The following TMPRSS4 variants were observed in gnomAD, a reference collection of about 807,000 sequenced individuals.
TMPRSS4 encodes the protein transmembrane protease serine 4.
TMPRSS4 carries 45 observed loss-of-function variants against 56.4 expected under a neutral mutation model. The observed-to-expected ratio is 0.80, with a 90% CI of 0.63 to 1.02. The LOEUF is 1.02. Among genes scored for constraint, TMPRSS4 ranks in the 50% least tolerant of loss-of-function variants. TMPRSS4 has a pLI of 0.00. For synonymous variants in TMPRSS4, 205 were observed against 211.0 expected (o/e 0.97, Z 0.25); for missense variants, 546 against 556.7 (o/e 0.98, Z 0.19).
intron 4 of TMPRSS4, among the ~76,000 whole-genome samples, chr11:118,103,870 G>T (rs996158466): frequency 2.0e-5 from 3 of 152,158 alleles, no homozygotes; most frequent in African/African-American, 7.2e-5. Context: ...TGACCTTGGG[G>T]CATTCCTCCT....
Position 118,118,413 on chromosome 11 carries a change from C to A in TMPRSS4, c.*500C>A. 31 of 991,290 alleles carry A rather than the reference C, an allele frequency of 3.1e-5. No individual in the cohort carries two copies. Among genetic ancestry groups the A allele is most frequent in the Non-Finnish European group, 3.7e-5 (31 of 834,100 alleles). 61.4% of individuals were successfully genotyped at this position (991,290 alleles called of 1,614,324 possible). A position where few individuals can be genotyped will look rare whatever the true frequency, so the allele number is the denominator to read the frequency against. ...TTACCTACTGTTGTCATTGTTATTA[C>A]AGCTATGGCCACTATTATTAAAGAG... On this transcript the variant is annotated 3_prime_UTR_variant, in exon 13 of 13. Transcript: ENST00000437212.
chr11:118,118,729 G>C lies in TMPRSS4; in HGVS notation c.*816G>C. 1.0e-6 allele frequency: 1 copy of C among 985,636 alleles called. No individual in the cohort carries two copies. The highest frequency in any genetic ancestry group is 1.2e-6 in the Non-Finnish European group (1 of 830,090). 61.1% of individuals were successfully genotyped at this position (985,636 alleles called of 1,614,324 possible). A position where few individuals can be genotyped will look rare whatever the true frequency, so the allele number is the denominator to read the frequency against. ...CTGTGATAATCAGCCAGGAGCCAGGGATAACCTATGACTTGGGAAAGAGAT... is the reference window on the plus strand; with the variant it reads ...CTGTGATAATCAGCCAGGAGCCAGGCATAACCTATGACTTGGGAAAGAGAT... On this transcript the variant is annotated 3_prime_UTR_variant, in exon 13 of 13. Transcript: ENST00000437212.
At chr11:118,084,096 A>C (rs1005657935) in intron 1 of TMPRSS4, among the ~76,000 whole-genome samples, 2 of 152,184 alleles carry the variant, frequency 1.3e-5, no homozygotes, top group Non-Finnish European at 2.9e-5. Context: ...AATGTACTAT[A>C]TGCTATGCAT....
At chr11:118,100,448 G>A (rs1303050028) in intron 3 of TMPRSS4, among the ~76,000 whole-genome samples, 2 of 152,214 alleles carry the variant, frequency 1.3e-5, no homozygotes, top group Non-Finnish European at 2.9e-5. Context: ...TTCTACATGA[G>A]CACTGAGGCT....
intron 1 of TMPRSS4, among the ~76,000 whole-genome samples, chr11:118,092,924 C>T (rs763394970): frequency 2.0e-5 from 3 of 152,206 alleles, no homozygotes; most frequent in Non-Finnish European, 4.4e-5. Flanking sequence ...ATGTAAACCT[C>T]ACAGTAGTCT....
intron 1 of TMPRSS4, among the ~76,000 whole-genome samples, chr11:118,084,597 C>T (rs1945399044): frequency 6.6e-6 from 1 of 152,228 alleles, no homozygotes; most frequent in African/African-American, 2.4e-5. Flanking sequence ...CTCAACCCTG[C>T]CCCTGTACAG....
intron 1 of TMPRSS4, among the ~76,000 whole-genome samples, chr11:118,081,328 G>A (rs934544399): frequency 6.6e-6 from 1 of 152,334 alleles, no homozygotes; most frequent in African/African-American, 2.4e-5. Context: ...TGGTGATAGG[G>A]AAGGGGAAGA....
chr11:118,077,559 C>T (rs888460416), intron 1 of TMPRSS4, among the ~76,000 whole-genome samples: 1 of 152,222 alleles, frequency 6.6e-6, no homozygotes, highest in Admixed American at 6.5e-5. Context: ...CAGGGCTGTC[C>T]TTCCCGACTA....
At position 118,103,172 on chromosome 11, in the gene TMPRSS4, T is replaced by G. The variant is rs1365274086; in HGVS notation, c.229T>G (p.Cys77Gly). The G allele has an allele frequency of 6.2e-7, 1 of 1,614,236 alleles. No homozygotes were observed. The highest frequency in any genetic ancestry group is 1.1e-5 in the South Asian group (1 of 91,076). ...CCACTTCATCCCGAGGAAGCAGCTG[T>G]GTGACGGAGAGCTGGACTGTCCCTT... Reference protein sequence around the residue: ...PLHFIPRKQLCDGELDCPLGE... With the variant: ...PLHFIPRKQLGDGELDCPLGE... Residue 77 changes from cysteine (C) to glycine (G), a missense_variant, in exon 4 of 13, where the codon TGT (cysteine) becomes GGT (glycine). Cys to Gly is a radical substitution (Grantham distance 159, BLOSUM62 -3). Coordinates refer to ENST00000437212, the MANE Select transcript of TMPRSS4 (RefSeq NM_019894.4).
intron 4 of TMPRSS4, among the ~76,000 whole-genome samples, chr11:118,103,646 T>G (rs919687837): frequency 6.6e-6 from 1 of 152,230 alleles, no homozygotes; most frequent in Non-Finnish European, 1.5e-5. Flanking sequence ...CCTCCCAAAG[T>G]GCTGGGATTA....
chr11:118,112,479 G>A (rs148788621), intron 8 of TMPRSS4, among the ~76,000 whole-genome samples: 2,845 of 129,376 alleles, frequency 0.022, 50 homozygotes, highest in Non-Finnish European at 0.03. Context: ...TGCAACCTCC[G>A]CCTCCTGAGT....
chr11:118,117,970 G>T lies in TMPRSS4; in HGVS notation c.*57G>T. ...CTTCCTTCCTGCCCTGCCCACCTGG[G>T]GATCCCCCAAAGTCAGACACAGAGC... On this transcript the variant is annotated 3_prime_UTR_variant, in exon 13 of 13. Transcript: ENST00000437212. The T allele has an allele frequency of 6.2e-7, 1 of 1,611,726 alleles. No homozygotes were observed. The highest frequency in any genetic ancestry group is 1.7e-5 in the Admixed American group (1 of 60,012).
At chr11:118,081,367 CT>C (rs1435509856) in intron 1 of TMPRSS4, among the ~76,000 whole-genome samples, 2 of 152,164 alleles carry the variant, frequency 1.3e-5, no homozygotes, top group South Asian at 4.1e-4. Context: ...GGCAATCCCC[CT>C]GTGACACGTC....
chr11:118,097,024 GAAA>G (rs1177823275), intron 2 of TMPRSS4, among the ~76,000 whole-genome samples: 20 of 14,050 alleles, frequency 1.4e-3, no homozygotes, highest in African/African-American at 9.0e-3. Context: ...AAGAAAGAAA[GAAA>G]GAAAGAAAAG....
rs1946570125 is a variant in TMPRSS4, at chr11:118,098,995, C to T, written c.54C>T (p.Pro18=). ...DQPLNSLDVK[P]LRKPRIPMET... ...CCCATTTTCTTGCAGATGTCAAACC[C>T]CTGCGCAAACCCCGTATCCCCATGG... Residue 18 remains proline, a synonymous_variant, in exon 3 of 13, where the codon CCC becomes CCT. Coordinates refer to ENST00000437212, the MANE Select transcript of TMPRSS4 (RefSeq NM_019894.4). 1 of 1,613,166 alleles carries T rather than the reference C, an allele frequency of 6.2e-7. No homozygotes were observed. The highest frequency in any genetic ancestry group is 1.3e-5 in the African/African-American group (1 of 74,850).
At chr11:118,107,289 G>C (rs920363601) in intron 5 of TMPRSS4, 4 of 152,820 alleles carry the variant, frequency 2.6e-5, no homozygotes, top group African/African-American at 9.7e-5. Flanking sequence ...CTCTAAGGGG[G>C]CCAAAAACAT....
rs145576293 is a variant in TMPRSS4 at position 118,113,358 on chromosome 11, T to A, written c.833T>A (p.Ile278Asn). The change falls in exon 9 of 13, where the codon ATC becomes AAC. Residue 278 changes from isoleucine (I) to asparagine (N), a missense_variant. Transcript: ENST00000437212. ...TCCCTGGCTGTGGCCAAGATCATCATCATTGAATTCAACCCCATGTACCCC... is the reference window on the plus strand; with the variant it reads ...TCCCTGGCTGTGGCCAAGATCATCAACATTGAATTCAACCCCATGTACCCC... ...FPSLAVAKII[I>N]IEFNPMYPKD... The A allele has an allele frequency of 6.2e-7, 1 of 1,614,142 alleles. No individual in the cohort carries two copies. The highest frequency in any genetic ancestry group is 8.5e-7 in the Non-Finnish European group (1 of 1,180,036).
At position 118,098,886 on chromosome 11, in the gene TMPRSS4, C is replaced by T. The variant is rs1946561814; in HGVS notation, c.44-99C>T. The stretch of plus-strand genomic sequence containing the variant: ...TAACCAAAACTGTGCTCAAGGCATA[C>T]CTGTCACCGGCCAGAAGGCAGGAGG... On this transcript the variant is annotated intron_variant, in intron 2 of 12. Coordinates refer to ENST00000437212, the MANE Select transcript of TMPRSS4 (RefSeq NM_019894.4). The T allele has an allele frequency of 4.4e-6, 4 of 905,818 alleles. No homozygotes were observed. In the Admixed American group the frequency reaches 8.0e-5, roughly 18 times the overall value. The allele number at this position is 905,818 out of a possible 1,614,324, so 56.1% of individuals were successfully genotyped here.
chr11:118,107,599 T>C, intron 5 of TMPRSS4, 175 bp from the exon 6 acceptor site: 1 of 543,122 alleles, frequency 1.8e-6, no homozygotes, highest in Non-Finnish European at 3.3e-6. Context: ...GTCGGTTCTT[T>C]ATTGTATAGC....
Sources: gnomAD v4.1 joint callset for allele counts (sites outside exome capture counted in the v4.1 genomes callset) on GRCh38, gnomAD v4.1.1 for gene constraint, MANE v1.5 for transcripts, NCBI Gene and HGNC (gene_info 2026-07-23, HGNC 2026-07-21) for gene names.